SATB2: variants seen among roughly 807,000 people sequenced by gnomAD.
SATB2 encodes SATB homeobox 2, also known as DNA-binding protein SATB2.
Under a neutral mutation model 73.4 loss-of-function variants are expected in SATB2, and 1 was observed. That is an observed-to-expected ratio of 0.01 (90% CI 0.00 to 0.06). The LOEUF is 0.06. SATB2 is among the 10% of genes least tolerant of loss of function. SATB2 has a pLI of 1.00. For missense variants in SATB2, 459 were observed against 945.8 expected (o/e 0.49, Z 6.75); for synonymous variants, 397 against 367.0 (o/e 1.08, Z -0.93).
chr2:199,449,641 A>G (rs1349449158), intron 2 of SATB2, among the ~76,000 whole-genome samples: 3 of 152,228 alleles, frequency 2.0e-5, no homozygotes, highest in Non-Finnish European at 4.4e-5. Context: ...TGTTTTAGTC[A>G]TACCTCAGTT....
At chr2:199,441,237 C>T (rs1691808760) in intron 2 of SATB2, among the ~76,000 whole-genome samples, 1 of 151,880 alleles carries the variant, frequency 6.6e-6, no homozygotes, top group Non-Finnish European at 1.5e-5. Flanking sequence ...CAGGATTAGA[C>T]CTCCAACTAA....
At chr2:199,295,888 C>A (rs1252532625) in intron 10 of SATB2, among the ~76,000 whole-genome samples, 2 of 152,014 alleles carry the variant, frequency 1.3e-5, no homozygotes, top group Admixed American at 1.3e-4. Context: ...TAGGGTCAAA[C>A]CAAGTAATAA....
chr2:199,370,297 C>T (rs1174472328), intron 5 of SATB2, among the ~76,000 whole-genome samples: 1 of 150,688 alleles, frequency 6.6e-6, no homozygotes, highest in Non-Finnish European at 1.5e-5. Context: ...TGTGGGATAT[C>T]TGAGTCACTG....
intron 3 of SATB2, among the ~76,000 whole-genome samples, chr2:199,399,056 A>C (rs1002614425): frequency 5.3e-5 from 8 of 152,160 alleles, no homozygotes; most frequent in Non-Finnish European, 7.3e-5. Flanking sequence ...AGGTCGCTTA[A>C]GCTCACAAGG....
intron 9 of SATB2, among the ~76,000 whole-genome samples, chr2:199,319,072 T>A (rs1227918024): frequency 6.6e-6 from 1 of 151,882 alleles, no homozygotes; most frequent in Non-Finnish European, 1.5e-5. Flanking sequence ...TTAATCCTAA[T>A]GTACATGAAG....
At chr2:199,407,400 A>G (rs1440454511) in intron 3 of SATB2, among the ~76,000 whole-genome samples, 2 of 152,036 alleles carry the variant, frequency 1.3e-5, no homozygotes, top group Non-Finnish European at 1.5e-5. Context: ...TCTGAAAGTT[A>G]TCTCATAATC....
chr2:199,392,171 TA>T (rs1210627589), intron 3 of SATB2, among the ~76,000 whole-genome samples: 1 of 152,096 alleles, frequency 6.6e-6, no homozygotes, highest in Admixed American at 6.5e-5. Context: ...GCGTGCCCAG[TA>T]AAAAGCAAGG....
intron 9 of SATB2, 52 bp from the exon 10 acceptor site, chr2:199,309,009 A>T (rs767003768): frequency 5.4e-6 from 8 of 1,485,438 alleles, no homozygotes; most frequent in Admixed American, 1.7e-5. Flanking sequence ...AGAGGAGCTG[A>T]GGGGGCCTTG....
chr2:199,378,864 T>C (rs1047054714), intron 5 of SATB2, among the ~76,000 whole-genome samples: 1 of 152,230 alleles, frequency 6.6e-6, no homozygotes, highest in South Asian at 2.1e-4. Context: ...CTCATAAAGG[T>C]AAGGTTATAG....
intron 3 of SATB2, among the ~76,000 whole-genome samples, chr2:199,391,453 CA>C (rs1690137931): frequency 8.0e-6 from 1 of 125,642 alleles, no homozygotes; most frequent in African/African-American, 2.9e-5. Flanking sequence ...AAAAAAAAAA[CA>C]AAAAACAAAA....
At chr2:199,395,009 T>C (rs934050137) in intron 3 of SATB2, among the ~76,000 whole-genome samples, 6 of 152,146 alleles carry the variant, frequency 3.9e-5, no homozygotes, top group Non-Finnish European at 7.4e-5. Flanking sequence ...ATTATTAACA[T>C]ACACATTCTA....
At position 199,438,225 on chromosome 2, in the gene SATB2, T is replaced by C. The variant is rs1414857120; in HGVS notation, c.170-4711A>G. 2.0e-5 allele frequency among the ~76,000 whole-genome samples: 3 copies of C among 152,356 alleles called. No homozygotes were observed. In the East Asian group the frequency reaches 5.8e-4, roughly 29 times the overall value. On this transcript the variant is annotated intron_variant, in intron 2 of 10. Coordinates refer to ENST00000417098, the MANE Select transcript of SATB2 (RefSeq NM_001172509.2). ...CCTGTTTAACTTTTAGTGTAGCTAC[T>C]AGAAAATTTAAAATTATACATGTGG...
At chr2:199,442,356 T>C in intron 2 of SATB2, among the ~76,000 whole-genome samples, 1 of 152,148 alleles carries the variant, frequency 6.6e-6, no homozygotes, top group South Asian at 2.1e-4. Context: ...GCGTGACCAC[T>C]ATTGACAGAA....
At chr2:199,391,297 G>A (rs1690126108) in intron 3 of SATB2, among the ~76,000 whole-genome samples, 1 of 151,972 alleles carries the variant, frequency 6.6e-6, no homozygotes. Context: ...GCCAGGTGTG[G>A]TGGTGGGCGC....
Position 199,348,734 on chromosome 2 carries a change from A to T in SATB2, c.1140T>A (p.Ala380=), listed in dbSNP as rs771044415. 3.7e-5 allele frequency: 58 copies of T among 1,582,038 alleles called. No individual in the cohort carries two copies. Among genetic ancestry groups the T allele is most frequent in the Non-Finnish European group, 4.8e-5 (56 of 1,163,506 alleles). The change falls in exon 7 of 11, where the codon GCT becomes GCA. Residue 380 remains alanine (A), a synonymous_variant. Transcript: ENST00000417098. ...DELKRASVSQ[A]VFARVAFNRT... is the part of the protein sequence containing the mutation. ...GGTTGAATGCCACTCTTGCAAAGACAGCTTGGGACACACTGGCCCTCTTCA... is the reference window on the plus strand; with the variant it reads ...GGTTGAATGCCACTCTTGCAAAGACTGCTTGGGACACACTGGCCCTCTTCA...
intron 3 of SATB2, among the ~76,000 whole-genome samples, chr2:199,388,029 T>A (rs1234940725): frequency 2.6e-5 from 4 of 152,154 alleles, no homozygotes; most frequent in Non-Finnish European, 5.9e-5. Context: ...ATTTTTAGTA[T>A]CATTTGCCTC....
chr2:199,411,661 T>C (rs539665080), intron 3 of SATB2, among the ~76,000 whole-genome samples: 1 of 152,316 alleles, frequency 6.6e-6, no homozygotes, highest in South Asian at 2.1e-4. Flanking sequence ...CCAAAGCTAG[T>C]GCTTTCACCA....
At chr2:199,275,344 A>C (rs2105712250) in intron 10 of SATB2, among the ~76,000 whole-genome samples, 1 of 152,304 alleles carries the variant, frequency 6.6e-6, no homozygotes, top group African/African-American at 2.4e-5. Flanking sequence ...ACATATGTAC[A>C]GAGAAGCCAA....
intron 7 of SATB2, among the ~76,000 whole-genome samples, chr2:199,344,544 T>C (rs1377876681): frequency 1.3e-5 from 2 of 152,180 alleles, no homozygotes; most frequent in African/African-American, 4.8e-5. Context: ...ATAAATTAGC[T>C]AAGAGTCAAG....
Sources: allele counts gnomAD v4.1 joint callset (sites outside exome capture counted in the v4.1 genomes callset), GRCh38; gene constraint gnomAD v4.1.1; transcripts MANE v1.5; gene names NCBI Gene and HGNC (gene_info 2026-07-23, HGNC 2026-07-21).